Variants in PLXDC2 observed in about 807,000 individuals in gnomAD.
PLXDC2 encodes plexin domain-containing protein 2.
Under a neutral mutation model 68.9 loss-of-function variants are expected in PLXDC2, and 40 were observed. The ratio of observed to expected loss-of-function variants is 0.58; its 90% confidence interval spans 0.45 to 0.76. The LOEUF (loss-of-function observed/expected upper bound fraction) is 0.76. Among genes scored for constraint, PLXDC2 ranks in the 30% least tolerant of loss-of-function variants. The pLI, the probability that PLXDC2 is intolerant of heterozygous loss-of-function variation, is 0.00. For synonymous variants in PLXDC2, 243 were observed against 234.2 expected (o/e 1.04, Z -0.34); for missense variants, 644 against 661.9 (o/e 0.97, Z 0.30).
At chr10:19,921,975 A>G (rs1016813103) in intron 1 of PLXDC2, among the ~76,000 whole-genome samples, 1 of 152,124 alleles carries the variant, frequency 6.6e-6, no homozygotes, top group Non-Finnish European at 1.5e-5. Context: ...CTCCTGACTC[A>G]GCCTCCCGAG....
intron 1 of PLXDC2, among the ~76,000 whole-genome samples, chr10:19,974,347 G>T (rs1028578159): frequency 6.6e-6 from 1 of 152,238 alleles, no homozygotes; most frequent in Non-Finnish European, 1.5e-5. Context: ...CAACCAGCTG[G>T]TGGTTTCTGT....
At chr10:19,828,353 T>A (rs576112094) in intron 1 of PLXDC2, among the ~76,000 whole-genome samples, 1 of 152,288 alleles carries the variant, frequency 6.6e-6, no homozygotes, top group African/African-American at 2.4e-5. Flanking sequence ...CCATAGACAA[T>A]AGAATTTATT....
chr10:20,105,310 C>G (rs964868934), intron 4 of PLXDC2, among the ~76,000 whole-genome samples: 27 of 152,144 alleles, frequency 1.8e-4, no homozygotes, highest in African/African-American at 6.3e-4. Flanking sequence ...TTTGGACTGG[C>G]TTGAAGATAT....
chr10:20,061,538 T>TCA (rs1217783823), intron 3 of PLXDC2, among the ~76,000 whole-genome samples: 4 of 152,204 alleles, frequency 2.6e-5, no homozygotes, highest in Non-Finnish European at 5.9e-5. Flanking sequence ...TACCAGATTT[T>TCA]GTCTTTTCAC....
At chr10:19,819,019 A>T (rs1207117404) in intron 1 of PLXDC2, among the ~76,000 whole-genome samples, 1 of 135,278 alleles carries the variant, frequency 7.4e-6, no homozygotes, top group Non-Finnish European at 1.5e-5. Flanking sequence ...TACTGAAAAA[A>T]GAATATATGT....
chr10:19,962,335 CT>C (rs33953842), intron 1 of PLXDC2, among the ~76,000 whole-genome samples: 21,005 of 58,244 alleles, frequency 0.36, 2,510 homozygotes, highest in South Asian at 0.46. Flanking sequence ...AAAGGAGGTT[CT>C]TTTTTTTTTT....
At chr10:19,985,354 C>T (rs549246255) in intron 1 of PLXDC2, among the ~76,000 whole-genome samples, 3 of 152,298 alleles carry the variant, frequency 2.0e-5, no homozygotes, top group Non-Finnish European at 2.9e-5. Context: ...GTTATTTTTG[C>T]TCTTCCATGC....
At chr10:20,063,696 C>G (rs1415398260) in intron 3 of PLXDC2, among the ~76,000 whole-genome samples, 1 of 152,124 alleles carries the variant, frequency 6.6e-6, no homozygotes, top group Non-Finnish European at 1.5e-5. Context: ...ACTCAGAAAT[C>G]TAGGAGTATG....
At chr10:19,889,601 C>G (rs1477494396) in intron 1 of PLXDC2, among the ~76,000 whole-genome samples, 1 of 152,158 alleles carries the variant, frequency 6.6e-6, no homozygotes, top group Non-Finnish European at 1.5e-5. Context: ...CTTTTCCTTT[C>G]CCTATCTGTG....
At chr10:20,146,197 A>T (rs888569067) in intron 5 of PLXDC2, among the ~76,000 whole-genome samples, 1 of 152,154 alleles carries the variant, frequency 6.6e-6, no homozygotes, top group Non-Finnish European at 1.5e-5. Context: ...CTAGAGCTTG[A>T]GGGTTGTAGA....
intron 1 of PLXDC2, among the ~76,000 whole-genome samples, chr10:19,967,970 A>G (rs927052723): frequency 6.6e-6 from 1 of 152,250 alleles, no homozygotes; most frequent in Non-Finnish European, 1.5e-5. Context: ...TATTATGTGC[A>G]TTAGCTGAAA....
intron 1 of PLXDC2, among the ~76,000 whole-genome samples, chr10:19,946,311 T>TA (rs150342383): frequency 0.01 from 1,533 of 152,200 alleles, 27 homozygotes; most frequent in African/African-American, 0.035. Context: ...ATACTCTCTA[T>TA]AACTTTTCTT....
chr10:20,095,969 T>A (rs975806776), intron 4 of PLXDC2, among the ~76,000 whole-genome samples: 3 of 152,218 alleles, frequency 2.0e-5, no homozygotes, highest in Non-Finnish European at 4.4e-5. Context: ...TTTTACAATG[T>A]TAATGTTCAT....
chr10:19,867,582 T>C (rs950127931), intron 1 of PLXDC2, among the ~76,000 whole-genome samples: 2 of 152,194 alleles, frequency 1.3e-5, no homozygotes, highest in Non-Finnish European at 2.9e-5. Context: ...TCCTCAAGGC[T>C]AACTAAGTAC....
intron 9 of PLXDC2, among the ~76,000 whole-genome samples, chr10:20,179,319 A>G (rs1413804969): frequency 6.6e-6 from 1 of 152,080 alleles, no homozygotes; most frequent in East Asian, 1.9e-4. Flanking sequence ...AAGTTTATTA[A>G]AGGCAGAGAC....
chr10:20,098,976 A>C (rs1012100211), intron 4 of PLXDC2, among the ~76,000 whole-genome samples: 8 of 152,322 alleles, frequency 5.3e-5, no homozygotes, highest in Middle Eastern at 6.8e-3. Flanking sequence ...ATAAGCAAAA[A>C]AGTGACACAG....
intron 4 of PLXDC2, among the ~76,000 whole-genome samples, chr10:20,070,014 A>G (rs904373453): frequency 9.2e-5 from 14 of 152,166 alleles, no homozygotes; most frequent in African/African-American, 3.1e-4. Context: ...GAGAAGGAAG[A>G]GAGGATCACA....
chr10:20,148,023 G>T, intron 6 of PLXDC2, 121 bp downstream of exon 6: 2 of 705,702 alleles, frequency 2.8e-6, no homozygotes, highest in South Asian at 1.9e-5. Flanking sequence ...TTGCCTCTTG[G>T]TTTCCTTTGC....
At chr10:20,004,209 A>G (rs1834988348) in intron 2 of PLXDC2, among the ~76,000 whole-genome samples, 1 of 152,210 alleles carries the variant, frequency 6.6e-6, no homozygotes, top group Admixed American at 6.5e-5. Context: ...GGAATTCAGT[A>G]TATTTGAAAA....
Sources: gnomAD v4.1 joint callset for allele counts (sites outside exome capture counted in the v4.1 genomes callset) on GRCh38, gnomAD v4.1.1 for gene constraint, MANE v1.5 for transcripts, NCBI Gene and HGNC (gene_info 2026-07-23, HGNC 2026-07-21) for gene names.